SETBP1: variants seen among roughly 807,000 people sequenced by gnomAD.
SETBP1 encodes the protein SET-binding protein.
A neutral mutation model predicts 101.0 loss-of-function variants in SETBP1; 9 were observed. The observed-to-expected ratio is 0.09, with a 90% CI of 0.05 to 0.16. SETBP1 has a LOEUF of 0.16. SETBP1 is among the 10% of genes least tolerant of loss of function. The pLI, the probability that SETBP1 is intolerant of heterozygous loss-of-function variation, is 1.00. For synonymous variants in SETBP1, 818 were observed against 788.5 expected (o/e 1.04, Z -0.63); for missense variants, 1,858 against 2,033.8 (o/e 0.91, Z 1.66).
Position 44,951,499 on chromosome 18 carries a change from C to A in SETBP1, c.2159C>A (p.Thr720Asn). The change falls in exon 4 of 6, where the codon ACC becomes AAC. Residue 720 changes from threonine (T) to asparagine (N), a missense_variant. Physicochemically the swap from Thr to Asn is moderately conservative, Grantham distance 65. Coordinates refer to ENST00000649279, the MANE Select transcript of SETBP1 (RefSeq NM_015559.3). The surrounding 1 kb of genome is among the most constrained non-coding windows in gnomAD (Gnocchi z 7.8). ...CAGATTAATGTCAGCAAGAGGGGAA[C>A]CATCTACATTGGCAAGAAGCGGGGC... ...GKQINVSKRGTIYIGKKRGRK... is the reference protein window; with the variant it reads ...GKQINVSKRGNIYIGKKRGRK... 6.2e-7 allele frequency: 1 copy of A among 1,614,046 alleles called. No individual in the cohort carries two copies. The highest frequency in any genetic ancestry group is 8.5e-7 in the Non-Finnish European group (1 of 1,180,026).
chr18:44,878,537 T>C (rs1418417393), intron 3 of SETBP1, among the ~76,000 whole-genome samples: 1 of 152,226 alleles, frequency 6.6e-6, no homozygotes, highest in Non-Finnish European at 1.5e-5. Flanking sequence ...CTGTGCTTTA[T>C]ATATTTTTAG....
At chr18:44,878,030 G>A (rs759332269) in intron 3 of SETBP1, among the ~76,000 whole-genome samples, 8 of 152,228 alleles carry the variant, frequency 5.3e-5, no homozygotes, top group Non-Finnish European at 8.8e-5. Context: ...ATGACAGGTG[G>A]GTGTTGGGGG....
In SETBP1 at chr18:44,877,329, T is replaced by G. The variant is rs181512233; in HGVS notation, c.540+8046T>G. The G allele has an allele frequency of 2.9e-3, 2,442 of 842,840 alleles. 8 individuals carry two copies. The highest frequency in any genetic ancestry group is 3.1e-3 in the Non-Finnish European group (2,204 of 699,798). The allele number at this position is 842,840 out of a possible 1,614,324, so 52.2% of individuals were successfully genotyped here. ...TATGGATTAAGGACAAAGTATCTGG[T>G]CCTTCATCAAAGATCGTTTGATAAG... On this transcript the variant is annotated intron_variant, in intron 3 of 5. Transcript: ENST00000649279.
intron 2 of SETBP1, among the ~76,000 whole-genome samples, chr18:44,822,474 G>A (rs1417677439): frequency 6.6e-6 from 1 of 152,196 alleles, no homozygotes; most frequent in Non-Finnish European, 1.5e-5. Flanking sequence ...CAATCAAAAT[G>A]TCATGGAGTA....
intron 2 of SETBP1, among the ~76,000 whole-genome samples, chr18:44,778,510 T>G (rs555824597): frequency 5.4e-4 from 83 of 152,378 alleles, no homozygotes; most frequent in Middle Eastern, 3.4e-3. Context: ...TCTGATTTTC[T>G]TGATCTCATT....
At chr18:44,872,908 C>G (rs2069311764) in intron 3 of SETBP1, among the ~76,000 whole-genome samples, 1 of 152,238 alleles carries the variant, frequency 6.6e-6, no homozygotes, top group Admixed American at 6.5e-5. Context: ...TGGTCCTCAC[C>G]TGCTACATAA....
chr18:44,904,722 C>G (rs893567689), intron 3 of SETBP1, among the ~76,000 whole-genome samples: 1 of 152,166 alleles, frequency 6.6e-6, no homozygotes. Flanking sequence ...GGCTAGTAAG[C>G]AATACTTCTC....
At chr18:44,906,456 C>T (rs941108875) in intron 3 of SETBP1, among the ~76,000 whole-genome samples, 1 of 152,150 alleles carries the variant, frequency 6.6e-6, no homozygotes, top group Non-Finnish European at 1.5e-5. Context: ...AAATTTTAGA[C>T]AAACCATTCC....
intron 2 of SETBP1, among the ~76,000 whole-genome samples, chr18:44,772,977 AT>A (rs1312696126): frequency 3.9e-5 from 6 of 152,132 alleles, no homozygotes; most frequent in Non-Finnish European, 8.8e-5. Flanking sequence ...TTGTATAGAA[AT>A]ATCTAGCAAA....
At chr18:44,754,969 A>T (rs1179967980) in intron 2 of SETBP1, among the ~76,000 whole-genome samples, 1 of 152,236 alleles carries the variant, frequency 6.6e-6, no homozygotes, top group East Asian at 1.9e-4. Context: ...GCTAATCATT[A>T]TTCTGTCCTG....
intron 1 of SETBP1, among the ~76,000 whole-genome samples, chr18:44,688,462 C>A (rs1325170241): frequency 1.3e-5 from 2 of 151,666 alleles, no homozygotes; most frequent in Non-Finnish European, 2.9e-5. Flanking sequence ...GTTATTTGAG[C>A]AATGAGACCT....
chr18:44,970,995 T>C (rs938183246), intron 4 of SETBP1, among the ~76,000 whole-genome samples: 1 of 152,076 alleles, frequency 6.6e-6, no homozygotes, highest in Non-Finnish European at 1.5e-5. Context: ...ATTAGGTATA[T>C]CTCCTAATGC....
At chr18:44,992,586 C>T (rs576882938) in intron 4 of SETBP1, among the ~76,000 whole-genome samples, 207 of 152,148 alleles carry the variant, frequency 1.4e-3, no homozygotes, top group Admixed American at 3.8e-3. Flanking sequence ...TGTATGTCAA[C>T]ATATTTGAAC....
intron 2 of SETBP1, among the ~76,000 whole-genome samples, chr18:44,758,823 G>A (rs1055209233): frequency 1.3e-5 from 2 of 152,122 alleles, no homozygotes; most frequent in Non-Finnish European, 2.9e-5. Flanking sequence ...GAGAAATGAC[G>A]GACCTGGATT....
chr18:44,935,335 T>G (rs544391526), intron 3 of SETBP1, among the ~76,000 whole-genome samples: 1 of 152,274 alleles, frequency 6.6e-6, no homozygotes, highest in African/African-American at 2.4e-5. Context: ...AGCATTAATA[T>G]AAAGGAAAAA....
At chr18:45,024,189 G>C (rs2073122367) in intron 4 of SETBP1, among the ~76,000 whole-genome samples, 1 of 152,128 alleles carries the variant, frequency 6.6e-6, no homozygotes, top group Admixed American at 6.5e-5. Flanking sequence ...TGTGTCTTGA[G>C]ACAGGCATAA....
chr18:44,689,831 G>A (rs756519398), intron 1 of SETBP1, among the ~76,000 whole-genome samples: 1 of 152,152 alleles, frequency 6.6e-6, no homozygotes, highest in African/African-American at 2.4e-5. Context: ...GGAGTGTAAG[G>A]CAGCAAGACA....
chr18:44,996,922 T>G (rs940465824), intron 4 of SETBP1, among the ~76,000 whole-genome samples: 1 of 152,080 alleles, frequency 6.6e-6, no homozygotes, highest in Non-Finnish European at 1.5e-5. Flanking sequence ...CAAAAAGCAG[T>G]GAGATGGGTA....
chr18:44,779,041 G>A (rs1266288743), intron 2 of SETBP1, among the ~76,000 whole-genome samples: 1 of 152,226 alleles, frequency 6.6e-6, no homozygotes, highest in Non-Finnish European at 1.5e-5. Flanking sequence ...CCACCGCCGT[G>A]TGTTGATTTT....
Sources: gnomAD v4.1 joint callset for allele counts (sites outside exome capture counted in the v4.1 genomes callset) on GRCh38, gnomAD v4.1.1 for gene constraint, Gnocchi (gnomAD v3.1) non-coding constraint, MANE v1.5 for transcripts, NCBI Gene and HGNC (gene_info 2026-07-23, HGNC 2026-07-21) for gene names.